Variants in KCNK13 observed in about 807,000 individuals in gnomAD.
KCNK13 encodes potassium two pore domain channel subfamily K member 13, also known as potassium channel subfamily K member 13.
In KCNK13, 12 loss-of-function variants were observed where a neutral mutation model predicts 23.4. The ratio of observed to expected loss-of-function variants is 0.51; its 90% CI spans 0.33 to 0.83. The LOEUF is 0.83. KCNK13 is among the 40% of genes least tolerant of loss of function. KCNK13 has a pLI of 0.02. For missense variants in KCNK13, 463 were observed against 556.3 expected (o/e 0.83, Z 1.69); for synonymous variants, 231 against 229.5 (o/e 1.01, Z -0.06).
chr14:90,154,808 C>T (rs1890176192), intron 1 of KCNK13, among the ~76,000 whole-genome samples: 1 of 152,204 alleles, frequency 6.6e-6, no homozygotes, highest in African/African-American at 2.4e-5. Flanking sequence ...ATTTAATTAG[C>T]TAGCCCTTCC....
chr14:90,185,064 G>T lies in KCNK13; in HGVS notation c.*61G>T. 1 of 1,413,890 alleles carries T rather than the reference G, an allele frequency of 7.1e-7. No homozygotes were observed. Among genetic ancestry groups the T allele is most frequent in the South Asian group, 1.4e-5 (1 of 70,268 alleles). The allele number at this position is 1,413,890 out of a possible 1,614,324, so 87.6% of individuals were successfully genotyped here. A position where few individuals can be genotyped will look rare whatever the true frequency, so the allele number is the denominator to read the frequency against. ...GAATGGAGGATGATTGCCGCCCAGG[G>T]GACGAGCTCAGCCCTGCGCCTTGGC... On this transcript the variant is annotated 3_prime_UTR_variant, in exon 2 of 2. Transcript: ENST00000282146.
intron 1 of KCNK13, among the ~76,000 whole-genome samples, chr14:90,098,646 C>T (rs1249487199): frequency 6.7e-6 from 1 of 149,158 alleles, no homozygotes; most frequent in Non-Finnish European, 1.5e-5. Context: ...GAGTGAGACT[C>T]GGTCTCCAAA....
At chr14:90,083,670 C>T (rs1889239335) in intron 1 of KCNK13, among the ~76,000 whole-genome samples, 1 of 152,218 alleles carries the variant, frequency 6.6e-6, no homozygotes, top group Non-Finnish European at 1.5e-5. Flanking sequence ...TGTATTCCCT[C>T]CTGTGATGAC....
chr14:90,122,099 GCTCCATCATA>G (rs1035988552), intron 1 of KCNK13, among the ~76,000 whole-genome samples: 1 of 151,856 alleles, frequency 6.6e-6, no homozygotes, highest in African/African-American at 2.4e-5. Flanking sequence ...AATTTTAATA[GCTCCATCATA>G]GTCTATGATG....
At chr14:90,157,646 G>T (rs1890208547) in intron 1 of KCNK13, among the ~76,000 whole-genome samples, 1 of 147,716 alleles carries the variant, frequency 6.8e-6, no homozygotes, top group Non-Finnish European at 1.5e-5. Context: ...ATCCTGCCTT[G>T]GCCTCCTAAA....
intron 1 of KCNK13, among the ~76,000 whole-genome samples, chr14:90,106,848 C>T (rs1889549531): frequency 6.6e-6 from 1 of 151,704 alleles, no homozygotes; most frequent in African/African-American, 2.4e-5. Context: ...ATGGCGAAAC[C>T]CCGTCTCTAC....
intron 1 of KCNK13, among the ~76,000 whole-genome samples, chr14:90,110,662 G>A (rs1448025873): frequency 6.6e-6 from 1 of 151,880 alleles, no homozygotes; most frequent in African/African-American, 2.4e-5. Flanking sequence ...TTTCTAAAGT[G>A]GCATGTCTTT....
intron 1 of KCNK13, among the ~76,000 whole-genome samples, chr14:90,162,182 A>AAAAAC (rs556071618): frequency 6.6e-6 from 1 of 152,144 alleles, no homozygotes; most frequent in Admixed American, 6.5e-5. Flanking sequence ...CTCTCTCAGA[A>AAAAAC]AAAACAAAAC....
intron 1 of KCNK13, among the ~76,000 whole-genome samples, chr14:90,131,089 A>C (rs902038373): frequency 2.0e-4 from 30 of 152,178 alleles, no homozygotes; most frequent in African/African-American, 7.0e-4. Flanking sequence ...ACTTATGGAA[A>C]GCACCTGGCA....
At chr14:90,137,188 C>A (rs950389575) in intron 1 of KCNK13, among the ~76,000 whole-genome samples, 6 of 152,188 alleles carry the variant, frequency 3.9e-5, no homozygotes, top group African/African-American at 1.4e-4. Flanking sequence ...CTGCCTACTG[C>A]ACCCCACTGC....
intron 1 of KCNK13, among the ~76,000 whole-genome samples, chr14:90,081,328 C>T (rs1354139260): frequency 6.6e-6 from 1 of 152,198 alleles, no homozygotes; most frequent in Non-Finnish European, 1.5e-5. Flanking sequence ...CATTTGGATG[C>T]ATTTTCAAAT....
chr14:90,071,766 T>C (rs1889077802), intron 1 of KCNK13, among the ~76,000 whole-genome samples: 1 of 152,064 alleles, frequency 6.6e-6, no homozygotes, highest in African/African-American at 2.4e-5. Context: ...GGTGTGGTTA[T>C]GCACGCCTGT....
intron 1 of KCNK13, among the ~76,000 whole-genome samples, chr14:90,064,368 A>AGT (rs1218091031): frequency 6.7e-6 from 1 of 149,200 alleles, no homozygotes; most frequent in Non-Finnish European, 1.5e-5. Flanking sequence ...GAAGGAGCAG[A>AGT]GTGTGTGTGT....
intron 1 of KCNK13, among the ~76,000 whole-genome samples, chr14:90,110,485 A>AG (rs374994460): frequency 1.7e-5 from 2 of 116,474 alleles, no homozygotes; most frequent in Non-Finnish European, 3.7e-5. Context: ...GTCTCAAAAA[A>AG]GAAAAAAAAA....
intron 1 of KCNK13, among the ~76,000 whole-genome samples, chr14:90,178,278 ATTATTTTTATTTT>A (rs1011135223): frequency 2.2e-5 from 3 of 137,532 alleles, no homozygotes; most frequent in Admixed American, 7.4e-5. Flanking sequence ...TGTGATTATT[ATTATTTTTATTTT>A]TTATTTTTAT....
Position 90,062,561 on chromosome 14 carries a change from G to A in KCNK13, c.334+22G>A. 2 of 1,433,020 alleles carry A rather than the reference G, an allele frequency of 1.4e-6. No individual in the cohort carries two copies. The highest frequency in any genetic ancestry group is 1.8e-6 in the Non-Finnish European group (2 of 1,087,114). The allele number at this position is 1,433,020 out of a possible 1,614,324, so 88.8% of individuals were successfully genotyped here. On this transcript the variant is annotated intron_variant, in intron 1 of 1. Coordinates refer to ENST00000282146, the MANE Select transcript of KCNK13 (RefSeq NM_022054.4). This position sits in a 1 kb window ranked among gnomAD's most constrained non-coding sequence, Gnocchi z 4.5. ...ATAGGTAAGTGTGCTGGCCGGACTC[G>A]CTGACAACCTCCGGGCGGCCTCCAC...
At chr14:90,168,675 C>A (rs947022158) in intron 1 of KCNK13, among the ~76,000 whole-genome samples, 8 of 152,180 alleles carry the variant, frequency 5.3e-5, no homozygotes, top group African/African-American at 1.7e-4. Context: ...GCCTAGAAAT[C>A]CCAGTTTTTA....
intron 1 of KCNK13, among the ~76,000 whole-genome samples, chr14:90,105,382 A>G (rs1889532148): frequency 6.6e-6 from 1 of 152,098 alleles, no homozygotes; most frequent in Non-Finnish European, 1.5e-5. Flanking sequence ...TATTCCCTCT[A>G]GAGTCCTCGC....
chr14:90,161,662 A>G (rs551128362), intron 1 of KCNK13, among the ~76,000 whole-genome samples: 1 of 152,342 alleles, frequency 6.6e-6, no homozygotes, highest in Admixed American at 6.5e-5. Context: ...TTCCTAGTGG[A>G]AAAACTCGGT....
Sources: allele counts gnomAD v4.1 joint callset (sites outside exome capture counted in the v4.1 genomes callset), GRCh38; gene constraint gnomAD v4.1.1; non-coding constraint Gnocchi (gnomAD v3.1); transcripts MANE v1.5; gene names NCBI Gene and HGNC (gene_info 2026-07-23, HGNC 2026-07-21).